NRXN1: variants seen among roughly 807,000 people sequenced by gnomAD.
The protein encoded by NRXN1 is neurexin-1.
In NRXN1, 39 loss-of-function variants were observed where a neutral mutation model predicts 150.9. That is an observed-to-expected ratio of 0.26 (90% confidence interval 0.20 to 0.34). The LOEUF is 0.34. Among genes scored for constraint, NRXN1 ranks in the 10% least tolerant of loss-of-function variants. The pLI is 1.00. For missense variants in NRXN1, 1,815 were observed against 1,949.9 expected (o/e 0.93, Z 1.30); for synonymous variants, 924 against 757.0 (o/e 1.22, Z -3.62).
chr2:50,115,037 G>C (rs2152729093), intron 18 of NRXN1, among the ~76,000 whole-genome samples: 1 of 151,840 alleles, frequency 6.6e-6, no homozygotes, highest in East Asian at 1.9e-4. Flanking sequence ...CACCAATGTA[G>C]GTTCATCGAT....
intron 19 of NRXN1, among the ~76,000 whole-genome samples, chr2:50,065,274 G>A (rs1391129112): frequency 6.6e-6 from 1 of 152,102 alleles, no homozygotes; most frequent in Non-Finnish European, 1.5e-5. Context: ...TCAAAGAGAT[G>A]ACATAAAACT....
chr2:50,174,109 T>G (rs748037935), intron 18 of NRXN1, among the ~76,000 whole-genome samples: 37 of 152,164 alleles, frequency 2.4e-4, no homozygotes, highest in Non-Finnish European at 4.1e-4. Flanking sequence ...GCCTTCTGAT[T>G]AGAATACTAC....
chr2:50,556,328 A>G (rs1009733743), intron 8 of NRXN1, among the ~76,000 whole-genome samples: 3 of 152,112 alleles, frequency 2.0e-5, no homozygotes, highest in East Asian at 3.9e-4. Context: ...GTGGCACTCA[A>G]TCATGGGAAC....
At chr2:50,446,121 G>GAAAAAAAAGAA (rs961963836) in intron 17 of NRXN1, among the ~76,000 whole-genome samples, 3 of 147,524 alleles carry the variant, frequency 2.0e-5, no homozygotes, top group Non-Finnish European at 4.5e-5. Flanking sequence ...GTGTGAACTG[G>GAAAAAAAAGAA]AAAAAAAAGA....
chr2:50,056,347 T>G (rs4971551), intron 19 of NRXN1, among the ~76,000 whole-genome samples: 94,593 of 151,902 alleles, frequency 0.62, 29,711 homozygotes, highest in Middle Eastern at 0.67. Context: ...TTTGGAGAGA[T>G]AGAAAAGAAC....
At chr2:50,275,400 C>A (rs2070304677) in intron 17 of NRXN1, among the ~76,000 whole-genome samples, 1 of 152,008 alleles carries the variant, frequency 6.6e-6, no homozygotes, top group Non-Finnish European at 1.5e-5. Context: ...CTTTATTCAG[C>A]ACATGCATTT....
At chr2:50,037,433 A>T (rs1690212327) in intron 21 of NRXN1, among the ~76,000 whole-genome samples, 1 of 151,888 alleles carries the variant, frequency 6.6e-6, no homozygotes, top group African/African-American at 2.4e-5. Flanking sequence ...TCTATTCCTT[A>T]CTCCCTGGAA....
intron 19 of NRXN1, among the ~76,000 whole-genome samples, chr2:50,090,911 G>T (rs952547126): frequency 1.3e-5 from 2 of 151,882 alleles, no homozygotes; most frequent in African/African-American, 4.8e-5. Flanking sequence ...ATCTGAGGAA[G>T]CGTTAGGTCT....
chr2:50,474,074 A>C (rs1313010685), intron 15 of NRXN1, among the ~76,000 whole-genome samples: 1 of 152,002 alleles, frequency 6.6e-6, no homozygotes, highest in African/African-American at 2.4e-5. Flanking sequence ...TCTACTGACT[A>C]TTAACCATCA....
At chr2:50,445,772 G>A (rs73934113) in intron 17 of NRXN1, among the ~76,000 whole-genome samples, 1 of 152,122 alleles carries the variant, frequency 6.6e-6, no homozygotes. Flanking sequence ...CAGAAAAATA[G>A]GGTATGTTAG....
At chr2:50,775,953 T>C (rs1160420803) in intron 5 of NRXN1, among the ~76,000 whole-genome samples, 1 of 152,104 alleles carries the variant, frequency 6.6e-6, no homozygotes, top group African/African-American at 2.4e-5. Flanking sequence ...GGCTCTGTGA[T>C]AAGAAAGCGT....
intron 17 of NRXN1, among the ~76,000 whole-genome samples, chr2:50,344,351 G>A (rs2077770091): frequency 6.6e-6 from 1 of 152,040 alleles, no homozygotes; most frequent in Non-Finnish European, 1.5e-5. Flanking sequence ...ATTTGGCAGG[G>A]GTTGGTTACT....
intron 21 of NRXN1, among the ~76,000 whole-genome samples, chr2:50,003,002 C>G (rs865965816): frequency 2.6e-5 from 4 of 152,178 alleles, no homozygotes; most frequent in Middle Eastern, 6.8e-3. Context: ...AAAGTATGAA[C>G]CTGCTTATGA....
At chr2:50,232,766 C>T (rs1176317168) in intron 18 of NRXN1, among the ~76,000 whole-genome samples, 1 of 151,910 alleles carries the variant, frequency 6.6e-6, no homozygotes, top group African/African-American at 2.4e-5. Flanking sequence ...AAATAATGGA[C>T]AGATATAAAA....
intron 21 of NRXN1, among the ~76,000 whole-genome samples, chr2:50,001,583 T>C (rs1236992165): frequency 2.6e-5 from 4 of 152,144 alleles, no homozygotes; most frequent in African/African-American, 9.7e-5. Flanking sequence ...TTTGGATGAG[T>C]AACTTAAATG....
chr2:50,778,804 AT>A (rs1574445583), intron 5 of NRXN1, among the ~76,000 whole-genome samples: 1 of 152,216 alleles, frequency 6.6e-6, no homozygotes, highest in Admixed American at 6.5e-5. Context: ...GGTGACATGA[AT>A]AACCTAAATT....
At chr2:50,846,168 C>G (rs1029596459) in intron 5 of NRXN1, among the ~76,000 whole-genome samples, 5 of 152,046 alleles carry the variant, frequency 3.3e-5, no homozygotes, top group African/African-American at 1.2e-4. Context: ...TTTTTCTGAA[C>G]CACGGGTGAC....
In NRXN1 at chr2:50,347,779, G is replaced by A; in HGVS notation, c.3365-110809C>T. ...AAGAAAAGAAAAACCACACACGCTGGTGAAGCAAGGGGCTCTATGCAAATC... is the reference window on the plus strand; with the variant it reads ...AAGAAAAGAAAAACCACACACGCTGATGAAGCAAGGGGCTCTATGCAAATC... On this transcript the variant is annotated intron_variant, in intron 17 of 22. Coordinates refer to ENST00000401669, the MANE Select transcript of NRXN1 (RefSeq NM_001330078.2). The surrounding 1 kb of genome is among the most constrained non-coding windows in gnomAD (Gnocchi z 4.9). 1 of 986,836 alleles carries A rather than the reference G, an allele frequency of 1.0e-6. No individual in the cohort carries two copies. The highest frequency in any genetic ancestry group is 1.1e-4 in the East Asian group (1 of 8,820). The allele number at this position is 986,836 out of a possible 1,614,324, so 61.1% of individuals were successfully genotyped here. A position where few individuals can be genotyped will look rare whatever the true frequency, so the allele number is the denominator to read the frequency against.
intron 2 of NRXN1, among the ~76,000 whole-genome samples, chr2:50,970,899 T>A (rs931548602): frequency 6.6e-6 from 1 of 152,146 alleles, no homozygotes; most frequent in Non-Finnish European, 1.5e-5. Context: ...AAATTTACTC[T>A]TGAAATTCTT....
Sources: allele counts gnomAD v4.1 joint callset (sites outside exome capture counted in the v4.1 genomes callset), GRCh38; gene constraint gnomAD v4.1.1; non-coding constraint Gnocchi (gnomAD v3.1); transcripts MANE v1.5; gene names NCBI Gene and HGNC (gene_info 2026-07-23, HGNC 2026-07-21).